The following POU6F2 variants were observed in gnomAD, a reference collection of about 807,000 sequenced individuals.
POU6F2 encodes POU class 6 homeobox 2, also known as POU domain, class 6, transcription factor 2.
Under a neutral mutation model 71.3 loss-of-function variants are expected in POU6F2, and 31 were observed. The ratio of observed to expected loss-of-function variants is 0.43; its 90% CI spans 0.33 to 0.59. The LOEUF (loss-of-function observed/expected upper bound fraction) is 0.59, where lower values mean the gene tolerates loss of function less well. Ranked by LOEUF, POU6F2 falls within the 20% of genes least tolerant of loss-of-function variation. The probability of loss-of-function intolerance (pLI) is 0.04; values close to 1 mark genes in which losing one functional copy is unlikely to be tolerated. For synonymous variants in POU6F2, 347 were observed against 355.7 expected, an observed-to-expected ratio of 0.98 and a Z score of 0.27; for missense variants, 783 against 856.8, an observed-to-expected ratio of 0.91 and a Z score of 1.07.
At chr7:39,251,684 T>A (rs1400137726) in intron 4 of POU6F2, among the ~76,000 whole-genome samples, 3 of 152,178 alleles carry the variant, frequency 2.0e-5, no homozygotes, top group African/African-American at 7.2e-5. Context: ...CTGAGACTCC[T>A]CTCCTCATGT....
intron 4 of POU6F2, among the ~76,000 whole-genome samples, chr7:39,237,656 A>G (rs544227473): frequency 1.3e-5 from 2 of 152,186 alleles, no homozygotes; most frequent in East Asian, 3.9e-4. Flanking sequence ...CCCCTCAGAA[A>G]CAACAGTTAG....
At chr7:39,236,352 T>A (rs1041206335) in intron 4 of POU6F2, among the ~76,000 whole-genome samples, 2 of 152,178 alleles carry the variant, frequency 1.3e-5, no homozygotes, top group African/African-American at 4.8e-5. Context: ...GTACCTGTCA[T>A]TTTTCTCTGC....
chr7:39,317,667 G>A (rs1357925338), intron 4 of POU6F2, among the ~76,000 whole-genome samples: 1 of 152,058 alleles, frequency 6.6e-6, no homozygotes. Flanking sequence ...TAACTATTAG[G>A]TACAGAACTG....
intron 1 of POU6F2, 146 bp downstream of exon 1, chr7:38,978,204 G>A (rs1788229279): frequency 6.6e-6 from 1 of 152,084 alleles, no homozygotes; most frequent in African/African-American, 2.4e-5. Flanking sequence ...AAGGCAAAAG[G>A]CACCCATTAA....
chr7:39,238,149 C>A (rs1258396091), intron 4 of POU6F2, among the ~76,000 whole-genome samples: 1 of 152,140 alleles, frequency 6.6e-6, no homozygotes, highest in African/African-American at 2.4e-5. Flanking sequence ...GCACTGGATT[C>A]AAATCACCAG....
chr7:39,403,230 G>A lies in POU6F2; in HGVS notation c.973-3370G>A, dbSNP rs1205623624. ...GTTGTTGTATTCTCTAAAATTCCAGGGAGGAGAAAACTGTCTTAAGATATC... is the reference window on the plus strand; with the variant it reads ...GTTGTTGTATTCTCTAAAATTCCAGAGAGGAGAAAACTGTCTTAAGATATC... On this transcript the variant is annotated intron_variant, in intron 5 of 9. Transcript: ENST00000518318. Among the ~76,000 whole-genome samples, 3 of 152,158 alleles carry A rather than the reference G, an allele frequency of 2.0e-5. No individual in the cohort carries two copies. In the East Asian group the frequency reaches 5.8e-4, roughly 29 times the overall value.
At chr7:39,221,675 T>C (rs1794365417) in intron 4 of POU6F2, among the ~76,000 whole-genome samples, 1 of 152,090 alleles carries the variant, frequency 6.6e-6, no homozygotes. Context: ...GTGTGAGCCA[T>C]CGCACCTGGC....
intron 6 of POU6F2, among the ~76,000 whole-genome samples, chr7:39,429,548 CTTCATGGCATTT>C (rs1788048424): frequency 6.6e-6 from 1 of 152,178 alleles, no homozygotes; most frequent in Non-Finnish European, 1.5e-5. Context: ...TCTTGGCATC[CTTCATGGCATTT>C]GACACAGTGT....
intron 5 of POU6F2, among the ~76,000 whole-genome samples, chr7:39,375,172 T>C (rs1786687291): frequency 6.6e-6 from 1 of 152,148 alleles, no homozygotes; most frequent in African/African-American, 2.4e-5. Flanking sequence ...GTTGTGGGCA[T>C]CCATTTGGCA....
intron 4 of POU6F2, among the ~76,000 whole-genome samples, chr7:39,232,320 A>AG (rs1794592696): frequency 6.6e-6 from 1 of 151,650 alleles, no homozygotes; most frequent in African/African-American, 2.4e-5. Context: ...GTTTTTAGGA[A>AG]AAAAAAAATG....
At chr7:39,416,834 T>A (rs936946426) in intron 6 of POU6F2, among the ~76,000 whole-genome samples, 2 of 148,330 alleles carry the variant, frequency 1.3e-5, no homozygotes, top group Non-Finnish European at 2.9e-5. Flanking sequence ...AAAGAAGTTA[T>A]CATTGAAATG....
At chr7:39,181,361 GA>G (rs1303003851) in intron 2 of POU6F2, among the ~76,000 whole-genome samples, 2 of 152,068 alleles carry the variant, frequency 1.3e-5, no homozygotes, top group African/African-American at 4.8e-5. Flanking sequence ...CTTCTCTGTG[GA>G]TACGTACTCT....
At chr7:39,247,805 A>G (rs1404620146) in intron 4 of POU6F2, among the ~76,000 whole-genome samples, 1 of 152,192 alleles carries the variant, frequency 6.6e-6, no homozygotes, top group Non-Finnish European at 1.5e-5. Context: ...TTTTAAGTTA[A>G]TGGTCAACTG....
chr7:39,190,331 A>G (rs1240995737), intron 2 of POU6F2, among the ~76,000 whole-genome samples: 3 of 148,754 alleles, frequency 2.0e-5, no homozygotes, highest in Non-Finnish European at 3.0e-5. Flanking sequence ...TTTGTGTACA[A>G]TGCAGCTTGG....
chr7:39,184,764 C>A (rs1414755794), intron 2 of POU6F2, among the ~76,000 whole-genome samples: 1 of 152,160 alleles, frequency 6.6e-6, no homozygotes, highest in South Asian at 2.1e-4. Context: ...ATGAAACACA[C>A]CAAATGGGTG....
chr7:39,364,469 A>G (rs1449986806), intron 5 of POU6F2, among the ~76,000 whole-genome samples: 1 of 152,018 alleles, frequency 6.6e-6, no homozygotes, highest in Non-Finnish European at 1.5e-5. Flanking sequence ...TCTTATGCCT[A>G]TGGATCCTCA....
At chr7:39,389,063 G>T (rs1369741702) in intron 5 of POU6F2, among the ~76,000 whole-genome samples, 1 of 151,858 alleles carries the variant, frequency 6.6e-6, no homozygotes, top group African/African-American at 2.4e-5. Context: ...TTGTCACAGA[G>T]AAATATATCT....
chr7:39,066,910 C>T (rs1008291639), intron 1 of POU6F2, among the ~76,000 whole-genome samples: 2 of 146,998 alleles, frequency 1.4e-5, no homozygotes, highest in African/African-American at 4.9e-5. Context: ...TATATAATAT[C>T]ATATTATTAT....
Position 39,466,496 on chromosome 7 carries a change from A to G in POU6F2, c.*1810A>G, listed in dbSNP as rs1200492204. The G allele has an allele frequency of 6.6e-6, 1 of 152,250 alleles. No individual in the cohort carries two copies. Among genetic ancestry groups the G allele is most frequent in the Non-Finnish European group, 1.5e-5 (1 of 68,042 alleles). 9.4% of individuals were successfully genotyped at this position (152,250 alleles called of 1,614,324 possible). On this transcript the variant is annotated 3_prime_UTR_variant, in exon 10 of 10. Coordinates refer to ENST00000518318, the MANE Select transcript of POU6F2 (RefSeq NM_001370959.1). The stretch of plus-strand genomic sequence containing the variant: ...AAATGTACATATTTATGCATAATTT[A>G]TAATCATGCTAATGTATTATCTAGA...
Sources: gnomAD v4.1 joint callset for allele counts (sites outside exome capture counted in the v4.1 genomes callset) on GRCh38, gnomAD v4.1.1 for gene constraint, MANE v1.5 for transcripts, NCBI Gene and HGNC (gene_info 2026-07-23, HGNC 2026-07-21) for gene names.